LYN: variants seen among roughly 807,000 people sequenced by gnomAD.
LYN encodes the protein tyrosine-protein kinase Lyn.
A neutral mutation model predicts 65.0 loss-of-function variants in LYN; 12 were observed. The ratio of observed to expected loss-of-function variants is 0.18; its 90% CI spans 0.12 to 0.30. LYN has a LOEUF of 0.30. Among genes scored for constraint, LYN ranks in the 10% least tolerant of loss-of-function variants. The pLI, the probability that LYN is intolerant of heterozygous loss-of-function variation, is 1.00. For missense variants in LYN, 380 were observed against 623.2 expected (o/e 0.61, Z 4.16); for synonymous variants, 222 against 221.2 (o/e 1.00, Z -0.03).
At chr8:56,006,000 ACCGAG>A (rs967732854) in intron 12 of LYN, among the ~76,000 whole-genome samples, 6 of 152,036 alleles carry the variant, frequency 3.9e-5, no homozygotes, top group African/African-American at 1.2e-4. Context: ...TGGGAGGATC[ACCGAG>A]CCCAGGGAGT....
intron 1 of LYN, among the ~76,000 whole-genome samples, chr8:55,923,558 G>A (rs752809156): frequency 3.3e-5 from 5 of 150,262 alleles, no homozygotes; most frequent in Non-Finnish European, 7.4e-5. Flanking sequence ...TTTTTTTTTT[G>A]AGACAGGGTC....
intron 10 of LYN, among the ~76,000 whole-genome samples, chr8:55,981,305 T>A (rs942697666): frequency 3.3e-5 from 5 of 152,222 alleles, no homozygotes; most frequent in Non-Finnish European, 5.9e-5. Flanking sequence ...GTACTGCAAT[T>A]TGAATTTTTT....
intron 1 of LYN, among the ~76,000 whole-genome samples, chr8:55,912,884 C>A (rs931039461): frequency 7.2e-5 from 11 of 151,876 alleles, no homozygotes; most frequent in African/African-American, 2.7e-4. Flanking sequence ...TAAAATGGCC[C>A]GTGTGTAAAA....
At chr8:55,948,966 G>A (rs1806861740) in intron 4 of LYN, among the ~76,000 whole-genome samples, 1 of 152,268 alleles carries the variant, frequency 6.6e-6, no homozygotes, top group Non-Finnish European at 1.5e-5. Flanking sequence ...TCTGTGTGTG[G>A]AATTTATAGA....
At chr8:55,999,299 GACA>G in intron 11 of LYN, 116 bp from the exon 12 acceptor site, 1 of 793,416 alleles carries the variant, frequency 1.3e-6, no homozygotes, top group Non-Finnish European at 2.1e-6. Context: ...CAGCCTGGGT[GACA>G]AGAGTGAAAC....
intron 1 of LYN, among the ~76,000 whole-genome samples, chr8:55,906,648 C>T (rs1004576866): frequency 1.3e-5 from 2 of 151,744 alleles, no homozygotes; most frequent in South Asian, 2.1e-4. Context: ...TGAGCCATCA[C>T]GCCTGGCCGA....
At position 55,898,207 on chromosome 8, in the gene LYN, T is replaced by C. The variant is rs941086140; in HGVS notation, c.-6+18104T>C. Among the ~76,000 whole-genome samples, 94 of 152,158 alleles carry C rather than the reference T, an allele frequency of 6.2e-4. 4 individuals are homozygous for C. The highest frequency in any genetic ancestry group is 4.4e-5 in the Non-Finnish European group (3 of 68,012). The stretch of plus-strand genomic sequence containing the variant: ...TGACCTGTTGTCTGTCCCCATTGTT[T>C]TGTGTTTTCTGTAATGTCATATAAA... On this transcript the variant is annotated intron_variant, in intron 1 of 12. Coordinates refer to ENST00000519728, the MANE Select transcript of LYN (RefSeq NM_002350.4).
At chr8:55,920,997 A>G (rs1442164579) in intron 1 of LYN, among the ~76,000 whole-genome samples, 1 of 152,148 alleles carries the variant, frequency 6.6e-6, no homozygotes, top group African/African-American at 2.4e-5. Flanking sequence ...GCACCCAGCC[A>G]GGAAGATTTT....
intron 1 of LYN, among the ~76,000 whole-genome samples, chr8:55,900,740 TG>T (rs1414398063): frequency 6.6e-6 from 1 of 152,190 alleles, no homozygotes; most frequent in Non-Finnish European, 1.5e-5. Context: ...GATTTAATTA[TG>T]TTTGGATTAA....
At chr8:55,941,798 T>C in intron 1 of LYN, 57 bp from the exon 2 acceptor site, 1 of 1,329,462 alleles carries the variant, frequency 7.5e-7, no homozygotes, top group Non-Finnish European at 1.1e-6. Context: ...GACATTTTGA[T>C]GGCTTGAAGC....
At chr8:55,922,548 G>T (rs13249537) in intron 1 of LYN, among the ~76,000 whole-genome samples, 70 of 152,210 alleles carry the variant, frequency 4.6e-4, no homozygotes, top group African/African-American at 1.6e-3. Context: ...GCCGAGGCGG[G>T]TGAATTCTCA....
chr8:55,959,482 A>G (rs1034870468), intron 8 of LYN, among the ~76,000 whole-genome samples: 1 of 152,248 alleles, frequency 6.6e-6, no homozygotes, highest in Non-Finnish European at 1.5e-5. Context: ...CATTCAAAGC[A>G]CTGTTATTAA....
Position 55,911,080 on chromosome 8 carries a change from T to C in LYN, c.-5-30775T>C, listed in dbSNP as rs868342738. ...TCCGGCTAATTTATATATATATACATACATATATATATATATATACATACA... is the reference window on the plus strand; with the variant it reads ...TCCGGCTAATTTATATATATATACACACATATATATATATATATACATACA... On this transcript the variant is annotated intron_variant, in intron 1 of 12. Transcript: ENST00000519728. Among the ~76,000 whole-genome samples, 439 of 14,338 alleles carry C rather than the reference T, an allele frequency of 0.031. 109 individuals are homozygous for C. The East Asian group carries it at 0.34, about 11-fold the overall frequency. The allele number at this position is 14,338 out of a possible 152,430, so 9.4% of individuals were successfully genotyped here.
chr8:55,917,963 G>A (rs148877182), intron 1 of LYN, among the ~76,000 whole-genome samples: 17 of 152,340 alleles, frequency 1.1e-4, no homozygotes, highest in Admixed American at 7.8e-4. Context: ...CCTCTTGCTA[G>A]CTTAAGCAGA....
intron 1 of LYN, among the ~76,000 whole-genome samples, chr8:55,905,415 A>AAAAG (rs869260792): frequency 7.5e-3 from 32 of 4,258 alleles, no homozygotes; most frequent in South Asian, 0.016. Flanking sequence ...GTCTCAAAAA[A>AAAAG]AAAGAAAGAA....
chr8:55,925,735 T>C (rs1218486859), intron 1 of LYN, among the ~76,000 whole-genome samples: 1 of 152,160 alleles, frequency 6.6e-6, no homozygotes, highest in Non-Finnish European at 1.5e-5. Context: ...TATGGCCAGG[T>C]TCCTGAGGAC....
At chr8:55,959,518 T>C (rs1328042776) in intron 8 of LYN, among the ~76,000 whole-genome samples, 4 of 152,220 alleles carry the variant, frequency 2.6e-5, no homozygotes, top group Non-Finnish European at 2.9e-5. Context: ...AGAAAATATG[T>C]CACATTAGTG....
intron 2 of LYN, among the ~76,000 whole-genome samples, chr8:55,943,865 C>G (rs901942932): frequency 2.0e-5 from 3 of 151,716 alleles, no homozygotes; most frequent in Non-Finnish European, 4.4e-5. Flanking sequence ...GGTGCATCAC[C>G]TGAGGTCAGG....
intron 12 of LYN, among the ~76,000 whole-genome samples, chr8:56,007,095 T>C (rs1563332296): frequency 1.3e-5 from 2 of 152,032 alleles, no homozygotes; most frequent in Non-Finnish European, 2.9e-5. Context: ...GGGGCTAGGG[T>C]GACCTAGAAA....
Sources: gnomAD v4.1 joint callset for allele counts (sites outside exome capture counted in the v4.1 genomes callset) on GRCh38, gnomAD v4.1.1 for gene constraint, MANE v1.5 for transcripts, NCBI Gene and HGNC (gene_info 2026-07-23, HGNC 2026-07-21) for gene names.